The following DENND10 variants were observed in gnomAD, a reference collection of about 807,000 sequenced individuals.
DENND10 encodes DENN domain-containing protein 10.
A neutral mutation model predicts 43.6 loss-of-function variants in DENND10; 24 were observed. That is an observed-to-expected ratio of 0.55 (90% CI 0.40 to 0.77). DENND10 has a LOEUF of 0.77. Among genes scored for constraint, DENND10 ranks in the 30% least tolerant of loss-of-function variants. The pLI is 0.00. For missense variants in DENND10, 303 were observed against 429.9 expected, an observed-to-expected ratio of 0.70 and a Z score of 2.61; for synonymous variants, 125 against 157.6, an observed-to-expected ratio of 0.79 and a Z score of 1.55.
intron 1 of DENND10, among the ~76,000 whole-genome samples, chr10:119,105,816 A>G (rs1181666298): frequency 6.6e-6 from 1 of 152,088 alleles, no homozygotes; most frequent in African/African-American, 2.4e-5. Flanking sequence ...CAGGAGGCAG[A>G]GGTTGCAGTG....
At position 119,104,136 on chromosome 10, in the gene DENND10, G is replaced by C; in HGVS notation, c.-7G>C. 6.6e-7 allele frequency: 1 copy of C among 1,509,988 alleles called. No homozygotes were observed. The highest frequency in any genetic ancestry group is 8.8e-7 in the Non-Finnish European group (1 of 1,129,956). 93.5% of individuals were successfully genotyped at this position (1,509,988 alleles called of 1,614,324 possible). A position where few individuals can be genotyped will look rare whatever the true frequency, so the allele number is the denominator to read the frequency against. On this transcript the variant is annotated 5_prime_UTR_variant, in exon 1 of 9. Transcript: ENST00000361432. ...GCAGCCAGAGCTGCGCGCCGCGGCG[G>C]CGGAAGATGGCTGCGGCCGAGGTGG...
Position 119,125,359 on chromosome 10 carries a change from A to G in DENND10, c.694+1790A>G, listed in dbSNP as rs576332501. On this transcript the variant is annotated intron_variant, in intron 6 of 8. Coordinates refer to ENST00000361432, the MANE Select transcript of DENND10 (RefSeq NM_207009.4). ...TAATTGTTATGGGTATATAATAGGTATATGTATTTATGGGGTACATATGAT... is the reference window on the plus strand; with the variant it reads ...TAATTGTTATGGGTATATAATAGGTGTATGTATTTATGGGGTACATATGAT... Among the ~76,000 whole-genome samples the G allele has an allele frequency of 7.9e-5, 12 of 152,060 alleles. No individual in the cohort carries two copies. In the South Asian group the frequency reaches 2.5e-3, roughly 32 times the overall value.
chr10:119,129,401 C>T (rs1050439910), intron 6 of DENND10, 114 bp from the exon 7 acceptor site: 4 of 681,514 alleles, frequency 5.9e-6, no homozygotes, highest in Non-Finnish European at 8.0e-6. Context: ...CTAATGTTCC[C>T]GAATGAATAA....
chr10:119,137,592 C>A lies in DENND10; in HGVS notation c.*945C>A, dbSNP rs1307345076. The A allele has an allele frequency of 6.1e-6, 1 of 165,076 alleles. No homozygotes were observed. Among genetic ancestry groups the A allele is most frequent in the African/African-American group, 2.5e-5 (1 of 40,796 alleles). 10.2% of individuals were successfully genotyped at this position (165,076 alleles called of 1,614,324 possible). On this transcript the variant is annotated 3_prime_UTR_variant, in exon 9 of 9. Coordinates refer to ENST00000361432, the MANE Select transcript of DENND10 (RefSeq NM_207009.4). ...TTCATAACTGGAATTGCCAAATAAG[C>A]ATGGAGATCTAAATGATGTACTTGT... is the stretch of plus-strand genomic sequence containing the variant.
chr10:119,124,519 C>T (rs190352357), intron 6 of DENND10, among the ~76,000 whole-genome samples: 5 of 151,954 alleles, frequency 3.3e-5, no homozygotes, highest in Admixed American at 6.6e-5. Flanking sequence ...CCAGCCAGGG[C>T]GACAGAGCGA....
chr10:119,137,530 A>G lies in DENND10; in HGVS notation c.*883A>G, dbSNP rs540319610. ...ACTTCGATGAAAGTAGTTTGGCCAC[A>G]TGTCAAGCCAATTGTTTGTACTATT... On this transcript the variant is annotated 3_prime_UTR_variant, in exon 9 of 9. Transcript: ENST00000361432. The G allele has an allele frequency of 8.4e-4, 140 of 167,070 alleles. No individual in the cohort carries two copies. The highest frequency in any genetic ancestry group is 1.5e-3 in the Non-Finnish European group (103 of 68,104). 10.3% of individuals were successfully genotyped at this position (167,070 alleles called of 1,614,324 possible).
At chr10:119,119,195 G>A (rs1845445054) in intron 4 of DENND10, among the ~76,000 whole-genome samples, 1 of 152,120 alleles carries the variant, frequency 6.6e-6, no homozygotes, top group African/African-American at 2.4e-5. Context: ...GTACAGATGG[G>A]GTTTCTCCAT....
rs769965681 is a variant in DENND10 at position 119,104,158 on chromosome 10, G to A, written c.16G>A (p.Val6Met). The A allele has an allele frequency of 6.6e-7, 1 of 1,520,186 alleles. No homozygotes were observed. The highest frequency in any genetic ancestry group is 2.2e-5 in the Admixed American group (1 of 45,112). The allele number at this position is 1,520,186 out of a possible 1,614,324, so 94.2% of individuals were successfully genotyped here. Reference protein sequence around the residue: MAAAEVADTQLMLGVG... With the variant: MAAAEMADTQLMLGVG... ...GCGGCGGAAGATGGCTGCGGCCGAG[G>A]TGGCGGACACTCAGCTGATGCTTGG... The change falls in exon 1 of 9, where the codon GTG becomes ATG. Residue 6 changes from valine (V) to methionine (M), a missense_variant. Physicochemically the swap from Val to Met is conservative, Grantham distance 21. Transcript: ENST00000361432.
intron 3 of DENND10, among the ~76,000 whole-genome samples, chr10:119,114,941 T>C (rs1845174872): frequency 6.6e-6 from 1 of 152,096 alleles, no homozygotes; most frequent in Non-Finnish European, 1.5e-5. Flanking sequence ...GGCTAATTTT[T>C]ATATTTTTAG....
At position 119,104,126 on chromosome 10, in the gene DENND10, C is replaced by T; in HGVS notation, c.-17C>T. On this transcript the variant is annotated 5_prime_UTR_variant, in exon 1 of 9. Coordinates refer to ENST00000361432, the MANE Select transcript of DENND10 (RefSeq NM_207009.4). ...CCTGCAGGCGGCAGCCAGAGCTGCG[C>T]GCCGCGGCGGCGGAAGATGGCTGCG... 2 of 1,500,606 alleles carry T rather than the reference C, an allele frequency of 1.3e-6. No individual in the cohort carries two copies. The highest frequency in any genetic ancestry group is 1.8e-6 in the Non-Finnish European group (2 of 1,124,980). 93.0% of individuals were successfully genotyped at this position (1,500,606 alleles called of 1,614,324 possible).
In DENND10 at chr10:119,112,493, CT is replaced by C. The variant is rs1353576739; in HGVS notation, c.332+582del. Among the ~76,000 whole-genome samples, 815 of 133,466 alleles carry C rather than the reference CT, an allele frequency of 6.1e-3. 3 individuals are homozygous for C. The highest frequency in any genetic ancestry group is 0.016 in the African/African-American group (569 of 35,744). The allele number at this position is 133,466 out of a possible 152,430, so 87.6% of individuals were successfully genotyped here. A position where few individuals can be genotyped will look rare whatever the true frequency, so the allele number is the denominator to read the frequency against. The stretch of plus-strand genomic sequence containing the variant: ...TTCTTTTCTTTTTCTTTTTCTTTTT[CT>C]TTTTTTTTTTTTTTTTGAGACAGGG... On this transcript the variant is annotated intron_variant, in intron 3 of 8. Coordinates refer to ENST00000361432, the MANE Select transcript of DENND10 (RefSeq NM_207009.4).
chr10:119,135,791 T>TAAAAAA lies in DENND10; in HGVS notation c.898-660_898-655dup, dbSNP rs367836571. Among the ~76,000 whole-genome samples, 225 of 63,994 alleles carry TAAAAAA rather than the reference T, an allele frequency of 3.5e-3. 4 individuals carry two copies. The highest frequency in any genetic ancestry group is 0.033 in the East Asian group (62 of 1,896). 42.0% of individuals were successfully genotyped at this position (63,994 alleles called of 152,430 possible). Reference sequence around the variant, plus strand: ...TACACTCAGAAAATGACTAAAATTGTAAAAAAAAAAAAAAAAAAAAAAAAA... The same window carrying TAAAAAA: ...TACACTCAGAAAATGACTAAAATTGTAAAAAAAAAAAAAAAAAAAAAAAAAAAAAAA... On this transcript the variant is annotated intron_variant, in intron 8 of 8. Transcript: ENST00000361432.
intron 2 of DENND10, among the ~76,000 whole-genome samples, chr10:119,109,449 C>T (rs10886384): frequency 0.31 from 47,454 of 151,744 alleles, 8,456 homozygotes; most frequent in Non-Finnish European, 0.4. Context: ...GATTTTTTCC[C>T]GTTTTAGGGC....
intron 6 of DENND10, among the ~76,000 whole-genome samples, chr10:119,125,494 T>C (rs1845781849): frequency 7.1e-6 from 1 of 140,980 alleles, no homozygotes; most frequent in Non-Finnish European, 1.5e-5. Flanking sequence ...ATTCCACTTC[T>C]AGTTTTCTTT....
chr10:119,133,365 G>C (rs1023199677), intron 8 of DENND10: 1 of 152,274 alleles, frequency 6.6e-6, no homozygotes, highest in Non-Finnish European at 1.5e-5. Context: ...GTCCTACCTG[G>C]GGGTACGGGG....
chr10:119,127,645 A>AT (rs71480783), intron 6 of DENND10, among the ~76,000 whole-genome samples: 7 of 148,842 alleles, frequency 4.7e-5, no homozygotes, highest in South Asian at 2.1e-4. Flanking sequence ...TGCCCAGCTA[A>AT]TTTTTTTTTT....
intron 6 of DENND10, among the ~76,000 whole-genome samples, chr10:119,127,409 G>A (rs1042854097): frequency 1.3e-5 from 2 of 152,044 alleles, no homozygotes; most frequent in Non-Finnish European, 2.9e-5. Flanking sequence ...TCATTCATGG[G>A]TGGGCCTGGG....
At chr10:119,120,521 T>C (rs767701822) in intron 5 of DENND10, 69 bp downstream of exon 5, 58 of 940,004 alleles carry the variant, frequency 6.2e-5, no homozygotes, top group Non-Finnish European at 9.6e-5. Context: ...GATGTTACTG[T>C]GTGCTCTGCT....
At chr10:119,113,499 T>TA (rs1172630121) in intron 3 of DENND10, among the ~76,000 whole-genome samples, 2 of 103,006 alleles carry the variant, frequency 1.9e-5, no homozygotes, top group African/African-American at 3.1e-5. Flanking sequence ...ACCTAGCCCT[T>TA]TAAAAAAAAA....
Sources: allele counts gnomAD v4.1 joint callset (sites outside exome capture counted in the v4.1 genomes callset), GRCh38; gene constraint gnomAD v4.1.1; transcripts MANE v1.5; gene names NCBI Gene and HGNC (gene_info 2026-07-23, HGNC 2026-07-21).